Variants in NEB observed in about 807,000 individuals in gnomAD.
NEB encodes nebulin.
Under a neutral mutation model 952.2 loss-of-function variants are expected in NEB, and 512 were observed. The ratio of observed to expected loss-of-function variants is 0.54; its 90% CI spans 0.50 to 0.58. The LOEUF (loss-of-function observed/expected upper bound fraction) is 0.58. Among genes scored for constraint, NEB ranks in the 20% least tolerant of loss-of-function variants. NEB has a pLI of 0.00. For missense variants in NEB, 8,428 were observed against 9,231.1 expected (o/e 0.91, Z 3.56); for synonymous variants, 2,900 against 3,149.8 (o/e 0.92, Z 2.66).
At chr2:151,531,137 G>A (rs569139721) in intron 144 of NEB, 36 bp from the exon 145 acceptor site, 1 of 1,301,990 alleles carries the variant, frequency 7.7e-7, no homozygotes, top group South Asian at 1.2e-5. Context: ...ATCATGTCAT[G>A]CTTCTCAATG....
intron 5 of NEB, among the ~76,000 whole-genome samples, chr2:151,726,108 T>G (rs556660124): frequency 6.6e-5 from 10 of 152,216 alleles, no homozygotes; most frequent in Admixed American, 2.6e-4. Flanking sequence ...AATTTATCAT[T>G]ATAAATGTTT....
At position 151,733,100 on chromosome 2, in the gene NEB, TG is replaced by T; in HGVS notation, c.36+20del. On this transcript the variant is annotated intron_variant, in intron 3 of 181. Coordinates refer to ENST00000397345, the MANE Select transcript of NEB (RefSeq NM_001164508.2). Reference sequence around the variant, plus strand: ...ACTACATAAAATAGTTTGCTGTCAGTGTTTTTTTTTTAAATCTTACCTCCAC... The same window carrying T: ...ACTACATAAAATAGTTTGCTGTCAGTTTTTTTTTTTAAATCTTACCTCCAC... 6.3e-7 allele frequency: 1 copy of T among 1,587,642 alleles called. No homozygotes were observed. The highest frequency in any genetic ancestry group is 1.7e-5 in the Admixed American group (1 of 57,686).
chr2:151,546,013 A>C lies in NEB; in HGVS notation c.20467-15T>G, dbSNP rs1471199381. On this transcript the variant is annotated splice_polypyrimidine_tract_variant and intron_variant, in intron 134 of 181. Coordinates refer to ENST00000397345, the MANE Select transcript of NEB (RefSeq NM_001164508.2). ...AGGTAATTAGACTTAAAAAAAAAAA[A>C]AAAAACAGAAATACAAGTTGATTAA... 4 of 1,417,184 alleles carry C rather than the reference A, an allele frequency of 2.8e-6. No homozygotes were observed. Among genetic ancestry groups the C allele is most frequent in the African/African-American group, 1.4e-5 (1 of 70,144 alleles). The allele number at this position is 1,417,184 out of a possible 1,614,324, so 87.8% of individuals were successfully genotyped here.
intron 112 of NEB, 45 bp downstream of exon 112, chr2:151,568,271 C>A (rs745315104): frequency 6.3e-7 from 1 of 1,596,548 alleles, no homozygotes; most frequent in African/African-American, 1.3e-5. Context: ...CCATTAAGGC[C>A]CTCCACTCGT....
chr2:151,565,364 A>G, intron 116 of NEB, 137 bp downstream of exon 116: 1 of 717,990 alleles, frequency 1.4e-6, no homozygotes, highest in South Asian at 1.7e-5. Context: ...TTTAAGACAT[A>G]CCCCCCAAAG....
intron 46 of NEB, among the ~76,000 whole-genome samples, chr2:151,661,229 C>G (rs2099144916): frequency 6.6e-6 from 1 of 152,032 alleles, no homozygotes; most frequent in Admixed American, 6.5e-5. Context: ...ATCACTAACA[C>G]TGAAAAAAAT....
In NEB at chr2:151,650,983, G is replaced by C. The variant is rs150475192; in HGVS notation, c.6916-98C>G. On this transcript the variant is annotated intron_variant, in intron 52 of 181. Transcript: ENST00000397345. Reference sequence around the variant, plus strand: ...TCTTTCTTTCTTTTTTTTGAGACAGGGGTCTATGTTTCCCAGGCTGGTCTT... The same window carrying C: ...TCTTTCTTTCTTTTTTTTGAGACAGCGGTCTATGTTTCCCAGGCTGGTCTT... The C allele has an allele frequency of 8.3e-5, 100 of 1,207,378 alleles. No homozygotes were observed. In the East Asian group the frequency reaches 2.2e-3, roughly 27 times the overall value. The allele number at this position is 1,207,378 out of a possible 1,614,324, so 74.8% of individuals were successfully genotyped here.
intron 181 of NEB, among the ~76,000 whole-genome samples, chr2:151,487,970 A>G (rs192411508): frequency 3.3e-5 from 5 of 152,226 alleles, no homozygotes; most frequent in Admixed American, 6.5e-5. Context: ...ATTTGATTCA[A>G]TTTGATACTT....
Position 151,662,712 on chromosome 2 carries a change from C to CCTTGGTT in NEB, c.5764-372_5764-371insAACCAAG, listed in dbSNP as rs571839830. ...TGCTGACCTTTCTTATAAAAATTCCCAAGTCCCCTTGGTTAACAGATGACT... is the reference window on the plus strand; with the variant it reads ...TGCTGACCTTTCTTATAAAAATTCCCCTTGGTTAAGTCCCCTTGGTTAACAGATGACT... On this transcript the variant is annotated intron_variant, in intron 45 of 181. Transcript: ENST00000397345. Among the ~76,000 whole-genome samples the CCTTGGTT allele has an allele frequency of 9.6e-4, 146 of 152,288 alleles. 1 individual carries two copies. Among genetic ancestry groups the CCTTGGTT allele is most frequent in the African/African-American group, 3.4e-3 (141 of 41,568 alleles).
chr2:151,656,216 G>A lies in NEB; in HGVS notation c.6432C>T (p.Tyr2144=), dbSNP rs764868660. 13 of 1,612,594 alleles carry A rather than the reference G, an allele frequency of 8.1e-6. No individual in the cohort carries two copies. The highest frequency in any genetic ancestry group is 6.7e-5 in the African/African-American group (5 of 74,990). ...TGTTCATTGCATCTGGAAGGAGGATGTACTTGTGAATCAGGTGCTTGTAGT... is the reference window on the plus strand; with the variant it reads ...TGTTCATTGCATCTGGAAGGAGGATATACTTGTGAATCAGGTGCTTGTAGT... ...NTNYKHLIHK[Y]ILLPDAMNIE... is the part of the protein sequence containing the mutation. The change falls in exon 49 of 182, where the codon TAC becomes TAT. Residue 2144 remains tyrosine (Y), a synonymous_variant. Transcript: ENST00000397345.
At chr2:151,680,240 GATCCCTTGGAACTTGC>G (rs1200587703) in intron 30 of NEB, among the ~76,000 whole-genome samples, 2 of 152,186 alleles carry the variant, frequency 1.3e-5, no homozygotes, top group African/African-American at 4.8e-5. Flanking sequence ...GTTTTGCAAA[GATCCCTTGGAACTTGC>G]AGTAGGAACC....
chr2:151,493,117 T>A (rs1260810910), intron 176 of NEB: 2 of 449,062 alleles, frequency 4.5e-6, no homozygotes, highest in Non-Finnish European at 8.0e-6. Context: ...TAACTTGTTA[T>A]GTTTAGTATG....
intron 29 of NEB, among the ~76,000 whole-genome samples, chr2:151,681,775 C>A (rs1382420802): frequency 6.6e-6 from 1 of 152,060 alleles, no homozygotes; most frequent in East Asian, 1.9e-4. Flanking sequence ...CCTTATGAGC[C>A]TCAAGATCAT....
At chr2:151,525,116 C>T in intron 151 of NEB, 47 bp downstream of exon 151, 2 of 1,314,400 alleles carry the variant, frequency 1.5e-6, no homozygotes, top group Non-Finnish European at 2.2e-6. Flanking sequence ...AATCTGGGTT[C>T]CACTGCTTCA....
At chr2:151,495,570 C>G (rs2059636295) in intron 173 of NEB, among the ~76,000 whole-genome samples, 1 of 152,118 alleles carries the variant, frequency 6.6e-6, no homozygotes, top group African/African-American at 2.4e-5. Context: ...AACCTCAATC[C>G]CTAGGTAATT....
In NEB at chr2:151,665,446, C is replaced by T; in HGVS notation, c.5125G>A (p.Glu1709Lys). 6.2e-7 allele frequency: 1 copy of T among 1,613,590 alleles called. No homozygotes were observed. The highest frequency in any genetic ancestry group is 1.7e-5 in the Admixed American group (1 of 59,934). Residue 1709 changes from glutamate (E) to lysine (K), a missense_variant, in exon 42 of 182, where the codon GAG becomes AAG. Coordinates refer to ENST00000397345, the MANE Select transcript of NEB (RefSeq NM_001164508.2). ...CGATACTTCTTCTCACTAAGAATCT[C>T]TCCTGCTTTCTTTGCCTTCTCCACC... is the stretch of plus-strand genomic sequence containing the variant. ...LEVEKAKKAG[E>K]ILSEKKYRQH... is the part of the protein sequence containing the mutation.
chr2:151,688,253 T>G, intron 25 of NEB, 39 bp downstream of exon 25: 2 of 1,436,088 alleles, frequency 1.4e-6, no homozygotes, highest in Non-Finnish European at 2.0e-6. Flanking sequence ...TCTCTTTTCA[T>G]GTACACCAAA....
At chr2:151,633,352 A>C (rs753821338) in intron 65 of NEB, among the ~76,000 whole-genome samples, 1 of 150,554 alleles carries the variant, frequency 6.6e-6, no homozygotes, top group Non-Finnish European at 1.5e-5. Context: ...ATTTCTTTTT[A>C]AAGTAAAAAC....
chr2:151,670,952 G>A, intron 38 of NEB, 71 bp downstream of exon 38: 7 of 1,455,668 alleles, frequency 4.8e-6, no homozygotes, highest in Non-Finnish European at 6.7e-6. Context: ...ATTGAATTAA[G>A]AAGGACGGAG....
Sources: allele counts gnomAD v4.1 joint callset (sites outside exome capture counted in the v4.1 genomes callset), GRCh38; gene constraint gnomAD v4.1.1; transcripts MANE v1.5; gene names NCBI Gene and HGNC (gene_info 2026-07-23, HGNC 2026-07-21).